Variants in MAGI1 observed in about 807,000 individuals in gnomAD.
The protein encoded by MAGI1 is membrane-associated guanylate kinase, WW and PDZ domain-containing protein 1.
In MAGI1, 58 loss-of-function variants were observed where a neutral mutation model predicts 139.9. That is an observed-to-expected ratio of 0.41 (90% CI 0.34 to 0.52). MAGI1 has a LOEUF of 0.52. Ranked by LOEUF, MAGI1 falls within the 20% of genes least tolerant of loss-of-function variation. MAGI1 has a pLI of 0.12. For missense variants in MAGI1, 1,874 were observed against 1,901.6 expected, an observed-to-expected ratio of 0.99 and a Z score of 0.27; for synonymous variants, 812 against 737.9, an observed-to-expected ratio of 1.10 and a Z score of -1.63.
At chr3:65,784,574 G>A (rs946725466) in intron 1 of MAGI1, among the ~76,000 whole-genome samples, 12 of 151,906 alleles carry the variant, frequency 7.9e-5, no homozygotes, top group Non-Finnish European at 2.9e-5. Flanking sequence ...GCGCGGTGAC[G>A]GGCGCCTGTA....
At chr3:65,519,964 C>A (rs981193779) in intron 2 of MAGI1, among the ~76,000 whole-genome samples, 1 of 152,130 alleles carries the variant, frequency 6.6e-6, no homozygotes. Context: ...CTGCTTTGGT[C>A]CTTTGGCACA....
intron 6 of MAGI1, chr3:65,448,363 GGAAGTCACTTAT>G: frequency 2.0e-6 from 1 of 489,176 alleles, no homozygotes. Flanking sequence ...TTCTTAAGTG[GGAAGTCACTTAT>G]TACAGACCTT....
At chr3:65,826,398 A>T (rs548235658) in intron 1 of MAGI1, among the ~76,000 whole-genome samples, 16 of 152,204 alleles carry the variant, frequency 1.1e-4, no homozygotes, top group Non-Finnish European at 1.8e-4. Flanking sequence ...ATTTTTAAAC[A>T]TGTGTTGAAA....
At chr3:65,464,296 T>A (rs1950026563) in intron 5 of MAGI1, among the ~76,000 whole-genome samples, 1 of 152,186 alleles carries the variant, frequency 6.6e-6, no homozygotes, top group South Asian at 2.1e-4. Context: ...TAAGTTATTC[T>A]TCTCTTCCCA....
At chr3:65,999,517 T>C (rs1186261285) in intron 1 of MAGI1, among the ~76,000 whole-genome samples, 1 of 152,120 alleles carries the variant, frequency 6.6e-6, no homozygotes, top group African/African-American at 2.4e-5. Context: ...AACAGAGTCT[T>C]CAGGCCTTAT....
At position 65,636,611 on chromosome 3, in the gene MAGI1, T is replaced by C. The variant is rs143101704; in HGVS notation, c.314-14523A>G. Reference sequence around the variant, plus strand: ...CACTGGTCACGTATTAACATTGCCCTTAATGATCATTTTTTTCTTGACTAA... The same window carrying C: ...CACTGGTCACGTATTAACATTGCCCCTAATGATCATTTTTTTCTTGACTAA... On this transcript the variant is annotated intron_variant, in intron 1 of 22. Transcript: ENST00000402939. 3.4e-3 allele frequency among the ~76,000 whole-genome samples: 521 copies of C among 152,262 alleles called. 3 individuals carry two copies. The highest frequency in any genetic ancestry group is 0.012 in the African/African-American group (489 of 41,544).
At chr3:65,974,015 A>T (rs1328744822) in intron 1 of MAGI1, among the ~76,000 whole-genome samples, 1 of 152,172 alleles carries the variant, frequency 6.6e-6, no homozygotes, top group Non-Finnish European at 1.5e-5. Flanking sequence ...TATGGTTTAA[A>T]TGGATGTTGA....
intron 1 of MAGI1, among the ~76,000 whole-genome samples, chr3:65,880,979 C>T (rs1559972389): frequency 6.7e-6 from 1 of 150,302 alleles, no homozygotes; most frequent in Non-Finnish European, 1.5e-5. Flanking sequence ...AGTGCAGTGG[C>T]ATGCTGCCAC....
At chr3:65,950,808 A>G (rs1407893918) in intron 1 of MAGI1, among the ~76,000 whole-genome samples, 3 of 152,166 alleles carry the variant, frequency 2.0e-5, no homozygotes, top group Non-Finnish European at 4.4e-5. Context: ...TGTCACTACC[A>G]ACATGAGGAC....
At chr3:65,862,089 G>A (rs1047754282) in intron 1 of MAGI1, among the ~76,000 whole-genome samples, 1 of 152,132 alleles carries the variant, frequency 6.6e-6, no homozygotes, top group East Asian at 1.9e-4. Context: ...TCCACCTCAT[G>A]TAAGACATGG....
At chr3:65,749,653 T>G (rs2035978533) in intron 1 of MAGI1, among the ~76,000 whole-genome samples, 1 of 150,896 alleles carries the variant, frequency 6.6e-6, no homozygotes, top group Non-Finnish European at 1.5e-5. Context: ...ATACCATCTG[T>G]TCCCCCAAAA....
At chr3:65,593,564 C>T (rs111325283) in intron 2 of MAGI1, among the ~76,000 whole-genome samples, 131 of 152,244 alleles carry the variant, frequency 8.6e-4, no homozygotes, top group Non-Finnish European at 1.5e-3. Flanking sequence ...TACAAACAAA[C>T]TTATGTTTCA....
intron 2 of MAGI1, among the ~76,000 whole-genome samples, chr3:65,590,859 T>G (rs1369867372): frequency 6.6e-6 from 1 of 152,106 alleles, no homozygotes; most frequent in Non-Finnish European, 1.5e-5. Context: ...TTTTCACCTA[T>G]CAAACCAGCA....
intron 1 of MAGI1, among the ~76,000 whole-genome samples, chr3:65,656,908 G>A (rs1284974571): frequency 3.0e-5 from 4 of 132,394 alleles, no homozygotes; most frequent in Non-Finnish European, 6.2e-5. Flanking sequence ...TGAGGCAGCA[G>A]AATTACTTGA....
intron 12 of MAGI1, among the ~76,000 whole-genome samples, chr3:65,406,255 G>A (rs1312798202): frequency 6.6e-6 from 1 of 151,696 alleles, no homozygotes; most frequent in Admixed American, 6.6e-5. Context: ...GGGCTGTTGG[G>A]GAAACCAAGC....
chr3:65,581,100 C>T (rs1441825724), intron 2 of MAGI1, among the ~76,000 whole-genome samples: 1 of 152,144 alleles, frequency 6.6e-6, no homozygotes, highest in African/African-American at 2.4e-5. Context: ...CCCATCACCA[C>T]TCACCTTGAT....
chr3:65,443,001 T>C, intron 7 of MAGI1, 152 bp from the exon 8 acceptor site: 1 of 513,186 alleles, frequency 1.9e-6, no homozygotes, highest in Non-Finnish European at 3.5e-6. Flanking sequence ...AAAAAAAGTA[T>C]CTATTATTTT....
At chr3:65,575,896 T>C (rs12495113) in intron 2 of MAGI1, among the ~76,000 whole-genome samples, 14,877 of 152,100 alleles carry the variant, frequency 0.098, 942 homozygotes, top group African/African-American at 0.16. Context: ...TGTCTTGAAA[T>C]CGGGAGATAC....
At chr3:65,820,543 A>G (rs1291223004) in intron 1 of MAGI1, among the ~76,000 whole-genome samples, 1 of 152,156 alleles carries the variant, frequency 6.6e-6, no homozygotes, top group Non-Finnish European at 1.5e-5. Context: ...TTTCGGGGTC[A>G]TGAGCCTATG....
Sources: allele counts gnomAD v4.1 joint callset (sites outside exome capture counted in the v4.1 genomes callset), GRCh38; gene constraint gnomAD v4.1.1; transcripts MANE v1.5; gene names NCBI Gene and HGNC (gene_info 2026-07-23, HGNC 2026-07-21).